Variants in MYO5C observed in about 807,000 individuals in gnomAD.
MYO5C encodes unconventional myosin-Vc.
In MYO5C, 194 loss-of-function variants were observed where a neutral mutation model predicts 235.7. The observed-to-expected ratio is 0.82, with a 90% CI of 0.73 to 0.93. The LOEUF (loss-of-function observed/expected upper bound fraction) is 0.93. MYO5C is among the 40% of genes least tolerant of loss of function. MYO5C has a pLI of 0.00. For missense variants in MYO5C, 2,038 were observed against 2,127.2 expected (o/e 0.96, Z 0.82); for synonymous variants, 707 against 754.8 (o/e 0.94, Z 1.04).
At chr15:52,265,271 C>T (rs900583394) in intron 8 of MYO5C, 2 of 152,282 alleles carry the variant, frequency 1.3e-5, no homozygotes, top group African/African-American at 4.8e-5. Context: ...TGTGTTCAAA[C>T]CCTGTAAATC....
chr15:52,260,507 G>A (rs2036671009), intron 10 of MYO5C, among the ~76,000 whole-genome samples: 1 of 152,222 alleles, frequency 6.6e-6, no homozygotes, highest in Admixed American at 6.5e-5. Flanking sequence ...CGGAGCAATT[G>A]TGACGAAGTT....
At chr15:52,286,227 G>T (rs2037266322) in intron 1 of MYO5C, among the ~76,000 whole-genome samples, 1 of 151,074 alleles carries the variant, frequency 6.6e-6, no homozygotes, top group African/African-American at 2.4e-5. Flanking sequence ...GAGGTGGGGG[G>T]TCAGCCCCCG....
chr15:52,205,080 C>T lies in MYO5C; in HGVS notation c.4605G>A (p.Lys1535=). The change falls in exon 38 of 41, where the codon AAG becomes AAA. Residue 1535 remains lysine (K), a synonymous_variant. Coordinates refer to ENST00000261839, the MANE Select transcript of MYO5C (RefSeq NM_018728.4). ...ISGLKPTGFR[K]RSSSIDDTDG... Reference sequence around the variant, plus strand: ...CCGTGTCGTCTATGCTAGAGGAGCGCTTCCGGAAGCCTGTGGGCTTCAGGC... The same window carrying T: ...CCGTGTCGTCTATGCTAGAGGAGCGTTTCCGGAAGCCTGTGGGCTTCAGGC... 6.2e-7 allele frequency: 1 copy of T among 1,614,248 alleles called. No homozygotes were observed. Among genetic ancestry groups the T allele is most frequent in the Non-Finnish European group, 8.5e-7 (1 of 1,180,046 alleles).
At chr15:52,208,497 G>A in intron 36 of MYO5C, 57 bp downstream of exon 36, 2 of 1,512,312 alleles carry the variant, frequency 1.3e-6, no homozygotes, top group South Asian at 2.3e-5. Context: ...TCTGGCTCAG[G>A]AGGAGGTTAT....
intron 10 of MYO5C, 25 bp downstream of exon 10, chr15:52,260,837 A>T (rs1432699249): frequency 1.2e-6 from 2 of 1,610,684 alleles, no homozygotes; most frequent in South Asian, 2.2e-5. Flanking sequence ...AGGAGGAAAG[A>T]CAGGCTCACT....
intron 36 of MYO5C, 99 bp from the exon 37 acceptor site, chr15:52,206,065 G>A: frequency 1.3e-6 from 1 of 745,436 alleles, no homozygotes; most frequent in Non-Finnish European, 2.0e-6. Context: ...CTTAATGTCT[G>A]ATTTATATCA....
intron 1 of MYO5C, among the ~76,000 whole-genome samples, chr15:52,290,600 A>G (rs2140874431): frequency 6.8e-6 from 1 of 147,756 alleles, no homozygotes; most frequent in East Asian, 1.9e-4. Flanking sequence ...CCTGAGTTCT[A>G]ATTAATGAGC....
chr15:52,243,896 T>C (rs958145722), intron 19 of MYO5C, among the ~76,000 whole-genome samples: 5 of 152,186 alleles, frequency 3.3e-5, no homozygotes, highest in African/African-American at 1.2e-4. Context: ...GGTTCTGTGA[T>C]TGGTTTGCTG....
intron 7 of MYO5C, among the ~76,000 whole-genome samples, chr15:52,270,717 T>A (rs2036905342): frequency 6.6e-6 from 1 of 151,844 alleles, no homozygotes; most frequent in Non-Finnish European, 1.5e-5. Context: ...TACACATACA[T>A]CTAATGTTTA....
rs553079958 is a variant in MYO5C, at chr15:52,231,246, C to G, written c.3026+1376G>C. On this transcript the variant is annotated intron_variant, in intron 24 of 40. Coordinates refer to ENST00000261839, the MANE Select transcript of MYO5C (RefSeq NM_018728.4). Reference sequence around the variant, plus strand: ...TTTTGACAGGGGCCAGGAATTCCCCCCTTGGCTGACCAGGGACTAAACCAA... The same window carrying G: ...TTTTGACAGGGGCCAGGAATTCCCCGCTTGGCTGACCAGGGACTAAACCAA... Among the ~76,000 whole-genome samples the G allele has an allele frequency of 3.3e-5, 5 of 152,284 alleles. No homozygotes were observed. The South Asian group carries it at 6.2e-4, about 19-fold the overall frequency.
intron 8 of MYO5C, among the ~76,000 whole-genome samples, chr15:52,268,396 C>G (rs569930188): frequency 1.3e-5 from 2 of 152,216 alleles, no homozygotes; most frequent in South Asian, 2.1e-4. Context: ...AACCCTGTAT[C>G]TACTAAAATA....
Position 52,232,401 on chromosome 15 carries a change from C to T in MYO5C, c.3026+221G>A, listed in dbSNP as rs971257561. ...AAAGAATTCCTGGTGGTCCACTGTA[C>T]CCACCCAGCAGAAGCTTTATGGACT... On this transcript the variant is annotated intron_variant, in intron 24 of 40. Coordinates refer to ENST00000261839, the MANE Select transcript of MYO5C (RefSeq NM_018728.4). Among the ~76,000 whole-genome samples, 7 of 152,050 alleles carry T rather than the reference C, an allele frequency of 4.6e-5. No homozygotes were observed. In the East Asian group the frequency reaches 1.4e-3, roughly 29 times the overall value.
chr15:52,240,540 C>A (rs896397243), intron 20 of MYO5C, among the ~76,000 whole-genome samples: 302 of 101,312 alleles, frequency 3.0e-3, no homozygotes, highest in East Asian at 3.8e-3. Context: ...TCATTCTCTA[C>A]AAAAAAAGAA....
intron 26 of MYO5C, 85 bp from the exon 27 acceptor site, chr15:52,225,223 G>C: frequency 7.0e-7 from 1 of 1,437,582 alleles, no homozygotes; most frequent in African/African-American, 1.4e-5. Flanking sequence ...CAGTTTTCTA[G>C]CTTCACAGTC....
intron 38 of MYO5C, among the ~76,000 whole-genome samples, chr15:52,199,763 C>T (rs1257389867): frequency 6.6e-6 from 1 of 152,126 alleles, no homozygotes; most frequent in African/African-American, 2.4e-5. Flanking sequence ...ACCTAAAACT[C>T]GAAGAGAAGG....
intron 9 of MYO5C, among the ~76,000 whole-genome samples, chr15:52,262,189 T>C (rs7169177): frequency 0.97 from 147,506 of 152,296 alleles, 71,615 homozygotes; most frequent in East Asian, 1. Context: ...CAGATGGCTT[T>C]GTCCAAATTT....
At position 52,193,945 on chromosome 15, in the gene MYO5C, T is replaced by C; in HGVS notation, c.5186A>G (p.Gln1729Arg). Residue 1729 changes from glutamine to arginine, a missense_variant, in exon 41 of 41, where the codon CAG becomes CGG. Transcript: ENST00000261839. ...GCCTAGCTTGAAACTGCTGGGGATC[T>C]GAATCATTTCCAGAGCATGTGGAGA... ...TPSPHALEMI[Q>R]IPSSFKLGFL... 2 of 1,613,456 alleles carry C rather than the reference T, an allele frequency of 1.2e-6. No homozygotes were observed. The highest frequency in any genetic ancestry group is 4.5e-5 in the East Asian group (2 of 44,820).
intron 1 of MYO5C, among the ~76,000 whole-genome samples, chr15:52,292,673 T>C (rs1321685014): frequency 1.3e-5 from 2 of 152,218 alleles, no homozygotes; most frequent in Non-Finnish European, 2.9e-5. Context: ...GCTCCCACTG[T>C]CCCCTGCTCA....
At chr15:52,271,456 T>C (rs1209252980) in intron 7 of MYO5C, among the ~76,000 whole-genome samples, 1 of 152,190 alleles carries the variant, frequency 6.6e-6, no homozygotes, top group Non-Finnish European at 1.5e-5. Context: ...CTCTAACTCC[T>C]GACCTCAGGT....
Sources: gnomAD v4.1 joint callset for allele counts (sites outside exome capture counted in the v4.1 genomes callset) on GRCh38, gnomAD v4.1.1 for gene constraint, MANE v1.5 for transcripts, NCBI Gene and HGNC (gene_info 2026-07-23, HGNC 2026-07-21) for gene names.